Variants in CLASP1 observed in about 807,000 individuals in gnomAD.
The protein encoded by CLASP1 is cytoplasmic linker associated protein 1.
Under a neutral mutation model 192.3 loss-of-function variants are expected in CLASP1, and 38 were observed. That is an observed-to-expected ratio of 0.20 (90% CI 0.15 to 0.26). CLASP1 has a LOEUF of 0.26. Among genes scored for constraint, CLASP1 ranks in the 10% least tolerant of loss-of-function variants. The pLI, the probability that CLASP1 is intolerant of heterozygous loss-of-function variation, is 1.00. For missense variants in CLASP1, 1,433 were observed against 1,932.5 expected, an observed-to-expected ratio of 0.74 and a Z score of 4.85; for synonymous variants, 691 against 712.8, an observed-to-expected ratio of 0.97 and a Z score of 0.49.
intron 1 of CLASP1, among the ~76,000 whole-genome samples, chr2:121,607,745 T>G (rs972318766): frequency 6.6e-6 from 1 of 152,144 alleles, no homozygotes; most frequent in African/African-American, 2.4e-5. Context: ...ATATCTTTGT[T>G]TTCTAAATAA....
In CLASP1 at chr2:121,567,536, G is replaced by A. The variant is rs186568229; in HGVS notation, c.196-37211C>T. Among the ~76,000 whole-genome samples the A allele has an allele frequency of 3.3e-5, 5 of 152,308 alleles. No homozygotes were observed. In the East Asian group the frequency reaches 9.6e-4, roughly 29 times the overall value. ...TTACCTCCCACAGAAGGGCAGCCTGGACTCAGCACTCTGCATCTCTTGTAA... is the reference window on the plus strand; with the variant it reads ...TTACCTCCCACAGAAGGGCAGCCTGAACTCAGCACTCTGCATCTCTTGTAA... On this transcript the variant is annotated intron_variant, in intron 2 of 39. Coordinates refer to ENST00000263710, the Ensembl canonical transcript of CLASP1.
At chr2:121,483,470 G>A (rs139430175) in intron 8 of CLASP1, among the ~76,000 whole-genome samples, 5 of 150,676 alleles carry the variant, frequency 3.3e-5, no homozygotes, top group East Asian at 2.0e-4. Flanking sequence ...GTGTGTGTGT[G>A]TATATATGTA....
intron 37 of CLASP1, among the ~76,000 whole-genome samples, chr2:121,356,908 A>G (rs368938262): frequency 1.3e-5 from 2 of 151,880 alleles, no homozygotes; most frequent in African/African-American, 4.9e-5. Flanking sequence ...GAGTGGAAAG[A>G]GGGGCTGGGA....
intron 3 of CLASP1, among the ~76,000 whole-genome samples, chr2:121,529,284 T>C (rs2094681293): frequency 1.3e-5 from 2 of 152,184 alleles, no homozygotes. Flanking sequence ...GGGTGGACCC[T>C]CCCACCAGTG....
At chr2:121,437,408 G>A (rs2082492304) in intron 19 of CLASP1, among the ~76,000 whole-genome samples, 1 of 152,050 alleles carries the variant, frequency 6.6e-6, no homozygotes, top group African/African-American at 2.4e-5. Flanking sequence ...ACAATGAAAC[G>A]ATCACTTTTC....
intron 9 of CLASP1, among the ~76,000 whole-genome samples, chr2:121,468,254 G>A (rs2090028175): frequency 6.6e-6 from 1 of 152,132 alleles, no homozygotes; most frequent in Non-Finnish European, 1.5e-5. Context: ...GCTTAGGATT[G>A]CCTTGGCTAT....
chr2:121,515,334 C>G (rs2094257194), intron 7 of CLASP1, among the ~76,000 whole-genome samples: 1 of 152,166 alleles, frequency 6.6e-6, no homozygotes, highest in South Asian at 2.1e-4. Flanking sequence ...ATACTAAGTG[C>G]TGTCTGTACA....
chr2:121,458,926 T>C, exon 13 of CLASP1: 1 of 1,613,064 alleles, frequency 6.2e-7, no homozygotes, highest in Non-Finnish European at 8.5e-7. Context: ...GTTGGCATAA[T>C]GGCTTCAGCT....
At chr2:121,348,907 C>T (rs1346372549) in intron 37 of CLASP1, among the ~76,000 whole-genome samples, 189 bp from the exon 39 acceptor site, 3 of 152,042 alleles carry the variant, frequency 2.0e-5, no homozygotes, top group African/African-American at 4.8e-5. Context: ...GCGTGGGCCA[C>T]GGAAAGGCAG....
At chr2:121,578,075 G>A (rs183753434) in intron 2 of CLASP1, among the ~76,000 whole-genome samples, 3 of 152,102 alleles carry the variant, frequency 2.0e-5, no homozygotes, top group East Asian at 3.9e-4. Flanking sequence ...TGGAGTTATG[G>A]GCACCTGCCA....
chr2:121,437,643 A>C (rs2082533679), intron 19 of CLASP1, among the ~76,000 whole-genome samples: 1 of 152,198 alleles, frequency 6.6e-6, no homozygotes, highest in African/African-American at 2.4e-5. Flanking sequence ...TCCCCCTCTA[A>C]CCAGCACCAG....
chr2:121,592,792 A>G (rs2062571481), intron 2 of CLASP1, among the ~76,000 whole-genome samples: 1 of 152,114 alleles, frequency 6.6e-6, no homozygotes, highest in Non-Finnish European at 1.5e-5. Flanking sequence ...AGCTGGGACT[A>G]TAGGTGCCCG....
chr2:121,578,488 G>C (rs2060780484), intron 2 of CLASP1, among the ~76,000 whole-genome samples: 1 of 150,320 alleles, frequency 6.7e-6, no homozygotes, highest in Non-Finnish European at 1.5e-5. Context: ...CCAACACTTT[G>C]GGAGGCCGAG....
At chr2:121,418,490 G>C in intron 23 of CLASP1, 132 bp downstream of exon 23, 1 of 673,050 alleles carries the variant, frequency 1.5e-6, no homozygotes, top group South Asian at 1.8e-5. Context: ...GGGTAACTAA[G>C]GAAGAGGAAA....
At chr2:121,349,433 G>C (rs1558819338) in intron 37 of CLASP1, among the ~76,000 whole-genome samples, 2 of 152,146 alleles carry the variant, frequency 1.3e-5, no homozygotes, top group Admixed American at 1.3e-4. Context: ...GTGATTTCTA[G>C]ACACACTAAA....
intron 19 of CLASP1, among the ~76,000 whole-genome samples, chr2:121,437,635 C>T (rs1395077085): frequency 6.6e-6 from 1 of 152,150 alleles, no homozygotes; most frequent in East Asian, 1.9e-4. Flanking sequence ...GATTACTTTC[C>T]CCCTCTAACC....
chr2:121,445,012 A>G (rs750242387), intron 19 of CLASP1: 4 of 1,201,432 alleles, frequency 3.3e-6, no homozygotes, highest in East Asian at 4.8e-5. Flanking sequence ...AACAGTTAGT[A>G]ACATTCAAAA....
rs139995301 is a variant in CLASP1, at chr2:121,427,935, G to A, written c.2018-505C>T. ...TATTAAATCAGGACTATGAATACTA[G>A]TATATCTACATTTGTGATATATACA... On this transcript the variant is annotated intron_variant, in intron 20 of 39. Coordinates refer to ENST00000263710, the Ensembl canonical transcript of CLASP1. Among the ~76,000 whole-genome samples, 111 of 152,208 alleles carry A rather than the reference G, an allele frequency of 7.3e-4. 1 individual carries two copies. The highest frequency in any genetic ancestry group is 2.5e-3 in the African/African-American group (102 of 41,540).
At chr2:121,577,850 G>C (rs187685685) in intron 2 of CLASP1, among the ~76,000 whole-genome samples, 3 of 152,262 alleles carry the variant, frequency 2.0e-5, no homozygotes, top group African/African-American at 7.2e-5. Context: ...CAAGACAGGA[G>C]AAGTGCTTGA....
Sources: gnomAD v4.1 joint callset for allele counts (sites outside exome capture counted in the v4.1 genomes callset) on GRCh38, gnomAD v4.1.1 for gene constraint, MANE v1.5 for transcripts, NCBI Gene and HGNC (gene_info 2026-07-23, HGNC 2026-07-21) for gene names.